Variants in RBFOX1 observed in about 807,000 individuals in gnomAD.
The protein encoded by RBFOX1 is RNA binding protein fox-1 homolog 1.
A neutral mutation model predicts 57.7 loss-of-function variants in RBFOX1; 8 were observed. The observed-to-expected ratio is 0.14, with a 90% CI of 0.08 to 0.25. The LOEUF is 0.25. Ranked by LOEUF, RBFOX1 falls within the 10% of genes least tolerant of loss-of-function variation. The pLI is 1.00. For synonymous variants in RBFOX1, 326 were observed against 222.4 expected, an observed-to-expected ratio of 1.47 and a Z score of -4.15; for missense variants, 611 against 548.5, an observed-to-expected ratio of 1.11 and a Z score of -1.14.
chr16:6,145,374 T>C (rs951729756), intron 1 of RBFOX1, among the ~76,000 whole-genome samples: 1 of 152,230 alleles, frequency 6.6e-6, no homozygotes, highest in Non-Finnish European at 1.5e-5. Context: ...TCTTGTTTTT[T>C]TTAATGGCTG....
chr16:7,517,002 C>G (rs2076498882), intron 4 of RBFOX1, among the ~76,000 whole-genome samples: 1 of 152,112 alleles, frequency 6.6e-6, no homozygotes, highest in South Asian at 2.1e-4. Flanking sequence ...ATCTAATTGA[C>G]CACAGACAAT....
intron 3 of RBFOX1, among the ~76,000 whole-genome samples, chr16:5,833,014 C>G (rs1178191802): frequency 6.6e-6 from 1 of 152,142 alleles, no homozygotes; most frequent in Admixed American, 6.5e-5. Flanking sequence ...GCCACCAACC[C>G]CCCAAAATGC....
chr16:7,159,970 G>A (rs181658433), intron 4 of RBFOX1, among the ~76,000 whole-genome samples: 2 of 152,090 alleles, frequency 1.3e-5, no homozygotes, highest in African/African-American at 4.8e-5. Context: ...CTTCCTTGAG[G>A]GGGGAGTTGT....
At chr16:5,835,085 A>T (rs2056416474) in intron 3 of RBFOX1, among the ~76,000 whole-genome samples, 1 of 152,186 alleles carries the variant, frequency 6.6e-6, no homozygotes, top group Non-Finnish European at 1.5e-5. Context: ...AGGAGGTGGG[A>T]TGGCTCAACT....
At chr16:7,159,931 C>A (rs140245071) in intron 4 of RBFOX1, among the ~76,000 whole-genome samples, 1 of 152,118 alleles carries the variant, frequency 6.6e-6, no homozygotes, top group Non-Finnish European at 1.5e-5. Flanking sequence ...TTTTATTATA[C>A]CTTTGTTTTT....
chr16:5,560,099 A>G (rs1024843365), intron 2 of RBFOX1, among the ~76,000 whole-genome samples: 12 of 152,198 alleles, frequency 7.9e-5, no homozygotes, highest in Non-Finnish European at 2.9e-5. Context: ...ACACATATTC[A>G]TTATTTATAG....
chr16:7,230,070 A>G lies in RBFOX1; in HGVS notation c.27+177972A>G, dbSNP rs537778549. Among the ~76,000 whole-genome samples, 802 of 124,056 alleles carry G rather than the reference A, an allele frequency of 6.5e-3. 50 individuals carry two copies. The highest frequency in any genetic ancestry group is 0.023 in the African/African-American group (750 of 32,126). 81.4% of individuals were successfully genotyped at this position (124,056 alleles called of 152,430 possible). A position where few individuals can be genotyped will look rare whatever the true frequency, so the allele number is the denominator to read the frequency against. On this transcript the variant is annotated intron_variant, in intron 4 of 15. Transcript: ENST00000550418. ...AGGAAGGAAAGGAGAGAGAGGAAGG[A>G]AGGGAGGGAGGGGAAGGAAAGGGGA...
chr16:6,982,407 C>G (rs1000126103), intron 3 of RBFOX1, among the ~76,000 whole-genome samples: 1 of 152,140 alleles, frequency 6.6e-6, no homozygotes, highest in Admixed American at 6.5e-5. Flanking sequence ...AGTCAGGGCT[C>G]TGATCCTGGA....
At chr16:6,223,624 G>A (rs1355412181) in intron 1 of RBFOX1, among the ~76,000 whole-genome samples, 2 of 152,090 alleles carry the variant, frequency 1.3e-5, no homozygotes, top group African/African-American at 4.8e-5. Context: ...TGAGTAGGTT[G>A]CGAAAATTTT....
At chr16:7,499,502 T>C (rs1481114494) in intron 4 of RBFOX1, among the ~76,000 whole-genome samples, 1 of 152,146 alleles carries the variant, frequency 6.6e-6, no homozygotes, top group Non-Finnish European at 1.5e-5. Flanking sequence ...AATAACAGTA[T>C]GTGTTCAATA....
intron 2 of RBFOX1, among the ~76,000 whole-genome samples, chr16:5,558,373 T>A (rs540828316): frequency 6.6e-6 from 1 of 152,130 alleles, no homozygotes. Context: ...GCGGTCCTCA[T>A]GTCCTCACCA....
At chr16:7,197,008 A>C (rs1238107874) in intron 4 of RBFOX1, among the ~76,000 whole-genome samples, 1 of 152,236 alleles carries the variant, frequency 6.6e-6, no homozygotes, top group Non-Finnish European at 1.5e-5. Context: ...AGAGTTTAAA[A>C]GACTCCATTT....
chr16:6,827,150 G>C (rs1330541078), intron 3 of RBFOX1, among the ~76,000 whole-genome samples: 1 of 151,898 alleles, frequency 6.6e-6, no homozygotes, highest in East Asian at 1.9e-4. Flanking sequence ...CCATCCTAAA[G>C]AGGACACTAT....
chr16:6,822,176 A>T (rs953621499), intron 3 of RBFOX1, among the ~76,000 whole-genome samples: 1 of 152,158 alleles, frequency 6.6e-6, no homozygotes, highest in Non-Finnish European at 1.5e-5. Context: ...GAGGCATTGT[A>T]AGAGGGGAGA....
At chr16:6,754,741 A>C (rs552383121) in intron 3 of RBFOX1, among the ~76,000 whole-genome samples, 1 of 152,186 alleles carries the variant, frequency 6.6e-6, no homozygotes, top group East Asian at 1.9e-4. Flanking sequence ...TTTAGGGTAC[A>C]TGTGCACAAT....
chr16:6,571,841 C>A lies in RBFOX1; in HGVS notation c.-63-82762C>A, dbSNP rs571763408. On this transcript the variant is annotated intron_variant, in intron 2 of 15. Coordinates refer to ENST00000550418, the MANE Select transcript of RBFOX1 (RefSeq NM_018723.4). Reference sequence around the variant, plus strand: ...CATATGTAAAAATATGAGTCATTATCATGAGTGGTTTGATTGAGGATGATA... The same window carrying A: ...CATATGTAAAAATATGAGTCATTATAATGAGTGGTTTGATTGAGGATGATA... Among the ~76,000 whole-genome samples, 14 of 151,858 alleles carry A rather than the reference C, an allele frequency of 9.2e-5. No homozygotes were observed. The South Asian group carries it at 2.7e-3, about 29-fold the overall frequency.
At chr16:7,222,570 G>T (rs1031392923) in intron 4 of RBFOX1, among the ~76,000 whole-genome samples, 5 of 152,160 alleles carry the variant, frequency 3.3e-5, no homozygotes, top group African/African-American at 1.2e-4. Flanking sequence ...TATGTGTCTG[G>T]GCACTGGCTG....
At chr16:6,490,500 G>C (rs2095607919) in intron 2 of RBFOX1, among the ~76,000 whole-genome samples, 1 of 152,164 alleles carries the variant, frequency 6.6e-6, no homozygotes. Context: ...GCTGTCCTCA[G>C]CTTACCAATC....
chr16:6,087,608 A>G (rs911003626), intron 1 of RBFOX1, among the ~76,000 whole-genome samples: 1 of 151,902 alleles, frequency 6.6e-6, no homozygotes, highest in African/African-American at 2.4e-5. Flanking sequence ...GTTCCATTGT[A>G]TGGATGCAGC....
Sources: gnomAD v4.1 joint callset for allele counts (sites outside exome capture counted in the v4.1 genomes callset) on GRCh38, gnomAD v4.1.1 for gene constraint, MANE v1.5 for transcripts, NCBI Gene and HGNC (gene_info 2026-07-23, HGNC 2026-07-21) for gene names.